Variants in DLG2 observed in about 807,000 individuals in gnomAD.
The protein encoded by DLG2 is disks large homolog 2.
In DLG2, 45 loss-of-function variants were observed where a neutral mutation model predicts 132.5. The ratio of observed to expected loss-of-function variants is 0.34; its 90% CI spans 0.27 to 0.44. The LOEUF is 0.44. Among genes scored for constraint, DLG2 ranks in the 20% least tolerant of loss-of-function variants. The probability of loss-of-function intolerance (pLI) is 1.00; values close to 1 mark genes in which losing one functional copy is unlikely to be tolerated. For synonymous variants in DLG2, 424 were observed against 419.6 expected, an observed-to-expected ratio of 1.01 and a Z score of -0.13; for missense variants, 1,045 against 1,196.9, an observed-to-expected ratio of 0.87 and a Z score of 1.87.
intron 6 of DLG2, among the ~76,000 whole-genome samples, chr11:84,847,680 G>A (rs1199807696): frequency 6.6e-6 from 1 of 152,100 alleles, no homozygotes; most frequent in Non-Finnish European, 1.5e-5. Flanking sequence ...CATGGCCTAA[G>A]GATAAATATT....
chr11:84,851,417 C>T (rs562716943), intron 6 of DLG2, among the ~76,000 whole-genome samples: 1 of 152,220 alleles, frequency 6.6e-6, no homozygotes, highest in African/African-American at 2.4e-5. Flanking sequence ...ATGGTTCTCT[C>T]AGTTCCTATT....
At chr11:84,624,211 C>G (rs2099618452) in intron 6 of DLG2, among the ~76,000 whole-genome samples, 2 of 152,130 alleles carry the variant, frequency 1.3e-5, no homozygotes, top group Non-Finnish European at 2.9e-5. Flanking sequence ...TGAGAAACTT[C>G]AGCAGTGTAT....
intron 18 of DLG2, among the ~76,000 whole-genome samples, chr11:83,744,556 T>A (rs2092767743): frequency 6.6e-6 from 1 of 152,214 alleles, no homozygotes; most frequent in African/African-American, 2.4e-5. Flanking sequence ...TCACTTTACG[T>A]AGCCACATAC....
chr11:84,396,405 G>A (rs1394494251), intron 7 of DLG2, among the ~76,000 whole-genome samples: 1 of 152,142 alleles, frequency 6.6e-6, no homozygotes, highest in Admixed American at 6.5e-5. Flanking sequence ...AATATATGGT[G>A]CAATTGTTTT....
chr11:84,258,773 C>T (rs1260408632), intron 7 of DLG2, among the ~76,000 whole-genome samples: 1 of 152,168 alleles, frequency 6.6e-6, no homozygotes, highest in Admixed American at 6.5e-5. Context: ...GGCGACCAGA[C>T]TGAAAATGCA....
intron 3 of DLG2, among the ~76,000 whole-genome samples, chr11:85,467,727 G>T (rs1366399586): frequency 6.6e-6 from 1 of 152,112 alleles, no homozygotes; most frequent in African/African-American, 2.4e-5. Context: ...TTTTATTGAG[G>T]ATTTTTGCAT....
At chr11:83,668,869 T>TATA (rs1440658821) in intron 18 of DLG2, among the ~76,000 whole-genome samples, 12 of 128,406 alleles carry the variant, frequency 9.3e-5, no homozygotes, top group African/African-American at 2.6e-4. Flanking sequence ...ATATATATAT[T>TATA]TTTTTTTTAT....
chr11:85,119,303 A>C (rs2074032153), intron 5 of DLG2, among the ~76,000 whole-genome samples: 1 of 152,046 alleles, frequency 6.6e-6, no homozygotes, highest in African/African-American at 2.4e-5. Flanking sequence ...TTTCTAAAAA[A>C]TATAATATGG....
chr11:84,952,283 C>T (rs1168332222), intron 6 of DLG2, among the ~76,000 whole-genome samples: 1 of 152,208 alleles, frequency 6.6e-6, no homozygotes, highest in East Asian at 1.9e-4. Context: ...CGGTGGCTCA[C>T]GCCTGTAATC....
At chr11:83,465,304 A>G (rs965359501) in intron 26 of DLG2, among the ~76,000 whole-genome samples, 1 of 152,142 alleles carries the variant, frequency 6.6e-6, no homozygotes, top group Non-Finnish European at 1.5e-5. Flanking sequence ...TAATTCTCTC[A>G]GGCTGCCACT....
intron 11 of DLG2, among the ~76,000 whole-genome samples, chr11:84,000,474 C>G (rs1350925452): frequency 6.6e-6 from 1 of 151,946 alleles, no homozygotes; most frequent in Non-Finnish European, 1.5e-5. Flanking sequence ...ATGAAAACTT[C>G]CCAAGTCTAG....
intron 9 of DLG2, among the ~76,000 whole-genome samples, chr11:84,158,368 T>G (rs1449586819): frequency 6.6e-6 from 1 of 151,266 alleles, no homozygotes; most frequent in Non-Finnish European, 1.5e-5. Context: ...TGGCCTATTG[T>G]TGTTGTTTTC....
intron 18 of DLG2, among the ~76,000 whole-genome samples, chr11:83,712,806 TG>T (rs1441146618): frequency 3.3e-5 from 5 of 151,992 alleles, no homozygotes; most frequent in Admixed American, 6.6e-5. Flanking sequence ...CACTGGGGGC[TG>T]TCAGTGGGGA....
intron 6 of DLG2, among the ~76,000 whole-genome samples, chr11:85,098,172 A>C (rs1251962622): frequency 6.6e-6 from 1 of 152,224 alleles, no homozygotes; most frequent in Non-Finnish European, 1.5e-5. Context: ...TCCTAAATTA[A>C]GTAAGCAGTG....
At chr11:85,509,137 T>C (rs2094000585) in intron 3 of DLG2, among the ~76,000 whole-genome samples, 1 of 152,062 alleles carries the variant, frequency 6.6e-6, no homozygotes, top group South Asian at 2.1e-4. Flanking sequence ...CAGTGAGTTT[T>C]AGGACTTACA....
At chr11:84,263,297 A>G (rs893318502) in intron 7 of DLG2, among the ~76,000 whole-genome samples, 34 of 152,106 alleles carry the variant, frequency 2.2e-4, no homozygotes, top group African/African-American at 8.0e-4. Context: ...TCAGACATAG[A>G]AAGTTAGGAG....
intron 3 of DLG2, among the ~76,000 whole-genome samples, chr11:85,314,703 C>T (rs992699573): frequency 6.6e-6 from 1 of 151,944 alleles, no homozygotes; most frequent in Non-Finnish European, 1.5e-5. Flanking sequence ...TAGTATAATG[C>T]ATAATTGCAT....
intron 2 of DLG2, among the ~76,000 whole-genome samples, chr11:85,605,297 A>G (rs1029572619): frequency 4.6e-5 from 7 of 152,210 alleles, no homozygotes; most frequent in African/African-American, 7.2e-5. Context: ...TCTCTCCACA[A>G]TACCACCCTT....
chr11:85,236,668 T>A (rs988460165), intron 4 of DLG2, among the ~76,000 whole-genome samples: 1 of 152,082 alleles, frequency 6.6e-6, no homozygotes, highest in Non-Finnish European at 1.5e-5. Flanking sequence ...AGATGTTTTA[T>A]GCATGTTCTT....
Sources: allele counts gnomAD v4.1 joint callset (sites outside exome capture counted in the v4.1 genomes callset), GRCh38; gene constraint gnomAD v4.1.1; transcripts MANE v1.5; gene names NCBI Gene and HGNC (gene_info 2026-07-23, HGNC 2026-07-21).